The following SLC5A11 variants were observed in gnomAD, a reference collection of about 807,000 sequenced individuals.
The protein encoded by SLC5A11 is solute carrier family 5 member 11.
SLC5A11 carries 48 observed loss-of-function variants against 69.8 expected under a neutral mutation model. The ratio of observed to expected loss-of-function variants is 0.69; its 90% confidence interval spans 0.55 to 0.87. The LOEUF (loss-of-function observed/expected upper bound fraction) is 0.87. SLC5A11 is among the 40% of genes least tolerant of loss of function. The pLI, the probability that SLC5A11 is intolerant of heterozygous loss-of-function variation, is 0.00. For missense variants in SLC5A11, 784 were observed against 866.1 expected, an observed-to-expected ratio of 0.91 and a Z score of 1.19; for synonymous variants, 319 against 342.4, an observed-to-expected ratio of 0.93 and a Z score of 0.75.
At chr16:24,909,583 G>A (rs1221154002) in intron 14 of SLC5A11, among the ~76,000 whole-genome samples, 1 of 138,786 alleles carries the variant, frequency 7.2e-6, no homozygotes, top group Non-Finnish European at 1.5e-5. Flanking sequence ...TGATGGTGCA[G>A]TGAGCTATGA....
chr16:24,853,582 A>G (rs1388787768), intron 1 of SLC5A11, among the ~76,000 whole-genome samples: 1 of 151,868 alleles, frequency 6.6e-6, no homozygotes, highest in Non-Finnish European at 1.5e-5. Context: ...AGGGAAAGAG[A>G]GAATGAAGGA....
At chr16:24,884,200 A>C in intron 8 of SLC5A11, 69 bp downstream of exon 9, 4 of 1,473,518 alleles carry the variant, frequency 2.7e-6, no homozygotes, top group Non-Finnish European at 3.8e-6. Context: ...TCTGCTCTCC[A>C]CACTGTGAAC....
rs199527214 is a variant in SLC5A11 at position 24,908,848 on chromosome 16, C to T, written c.1435-33C>T. On this transcript the variant is annotated intron_variant, in intron 13 of 15. Transcript: ENST00000347898. ...GGTTCCTGGAGGCCAGAGCCCTTGG[C>T]GTCTCTAAGATGATCTTGCTCTGAT... is the stretch of plus-strand genomic sequence containing the variant. The T allele has an allele frequency of 6.0e-4, 957 of 1,600,132 alleles. 1 individual carries two copies. The highest frequency in any genetic ancestry group is 1.0e-3 in the Admixed American group (61 of 59,560).
rs368417005 is a variant in SLC5A11, at chr16:24,890,866, T to C, written c.665-3T>C. On this transcript the variant is annotated splice_polypyrimidine_tract_variant and splice_region_variant and intron_variant, in intron 8 of 15. Transcript: ENST00000347898. ...CGGAAAATAGGCTTCCTCTGAATTC[T>C]AGGTTTCGCCGCGGTTGGTGGGATG... is the stretch of plus-strand genomic sequence containing the variant. 16 of 1,614,054 alleles carry C rather than the reference T, an allele frequency of 9.9e-6. No homozygotes were observed. Among genetic ancestry groups the C allele is most frequent in the East Asian group, 2.2e-5 (1 of 44,882 alleles).
intron 1 of SLC5A11, among the ~76,000 whole-genome samples, chr16:24,850,131 A>G (rs939360808): frequency 1.3e-5 from 2 of 150,714 alleles, no homozygotes; most frequent in East Asian, 2.0e-4. Context: ...GTAGAGGAGA[A>G]AAAAAAAAGG....
chr16:24,898,510 CTT>C (rs111368545), intron 10 of SLC5A11, among the ~76,000 whole-genome samples: 5 of 141,676 alleles, frequency 3.5e-5, no homozygotes, highest in African/African-American at 5.2e-5. Context: ...ATGCCCAGTC[CTT>C]TTTTTTTTTT....
chr16:24,890,950 G>A (rs371829346), exon 9 of SLC5A11: 2 of 1,614,056 alleles, frequency 1.2e-6, no homozygotes, highest in Non-Finnish European at 8.5e-7. Flanking sequence ...GAGAACAGCA[G>A]CTGCGGGCTG....
intron 3 of SLC5A11, among the ~76,000 whole-genome samples, chr16:24,868,596 C>A (rs77682516): frequency 6.4e-3 from 792 of 123,662 alleles, no homozygotes; most frequent in East Asian, 0.011. Context: ...GACTCCGCCT[C>A]AAAAAAAAAA....
chr16:24,882,176 T>A (rs1034461580), intron 7 of SLC5A11, among the ~76,000 whole-genome samples: 3 of 152,132 alleles, frequency 2.0e-5, no homozygotes, highest in African/African-American at 7.2e-5. Context: ...GGCCTCTGCA[T>A]CCCTACCACG....
intron 8 of SLC5A11, 54 bp downstream of exon 9, chr16:24,884,185 G>T: frequency 6.5e-7 from 1 of 1,527,248 alleles, no homozygotes; most frequent in Non-Finnish European, 9.1e-7. Context: ...TCTCCAGCAG[G>T]GATATCTGCT....
chr16:24,858,046 C>T (rs188287347), intron 1 of SLC5A11, among the ~76,000 whole-genome samples: 7 of 152,314 alleles, frequency 4.6e-5, no homozygotes, highest in Non-Finnish European at 8.8e-5. Context: ...GTCTCTGTGT[C>T]TCAACTTCAC....
At chr16:24,860,095 G>A (rs1285572128) in intron 2 of SLC5A11, among the ~76,000 whole-genome samples, 1 of 152,196 alleles carries the variant, frequency 6.6e-6, no homozygotes, top group Non-Finnish European at 1.5e-5. Context: ...AGACGAGCCT[G>A]GCCAATGTGG....
At position 24,909,041 on chromosome 16, in the gene SLC5A11, C is replaced by T. The variant is rs370263287; in HGVS notation, c.1595C>T (p.Thr532Ile). The change falls in exon 14 of 16, where the codon ACC becomes ATC. Residue 532 changes from threonine to isoleucine, a missense_variant. Coordinates refer to ENST00000347898, the Ensembl canonical transcript of SLC5A11. ...TTCTCCATGATCCTGTCCACGGTCA[C>T]CCTCATCACTGTCTCCACCGTGAGC... The T allele has an allele frequency of 2.5e-6, 4 of 1,614,016 alleles. No homozygotes were observed. The African/African-American group carries it at 5.3e-5, about 22-fold the overall frequency.
At chr16:24,860,856 T>A (rs1162052579) in intron 2 of SLC5A11, among the ~76,000 whole-genome samples, 1 of 152,052 alleles carries the variant, frequency 6.6e-6, no homozygotes, top group Non-Finnish European at 1.5e-5. Flanking sequence ...CAGGCATCCG[T>A]CACCATGCCC....
intron 8 of SLC5A11, among the ~76,000 whole-genome samples, chr16:24,889,543 A>ATTT (rs71156454): frequency 0.012 from 927 of 74,340 alleles, 142 homozygotes; most frequent in African/African-American, 0.033. Context: ...AGGTCTTACA[A>ATTT]TTTTTTTTTT....
chr16:24,890,786 T>A, intron 8 of SLC5A11, 83 bp from the exon 10 acceptor site: 1 of 1,347,092 alleles, frequency 7.4e-7, no homozygotes, highest in East Asian at 2.3e-5. Flanking sequence ...CCTACTAGAA[T>A]TTCACCAGTC....
intron 1 of SLC5A11, among the ~76,000 whole-genome samples, chr16:24,851,596 C>G (rs1328367959): frequency 2.0e-5 from 3 of 152,108 alleles, no homozygotes; most frequent in Non-Finnish European, 4.4e-5. Flanking sequence ...CCTCCTGCCT[C>G]AGCCTCCCAA....
At chr16:24,854,179 C>G (rs1006184436) in intron 1 of SLC5A11, among the ~76,000 whole-genome samples, 4 of 152,222 alleles carry the variant, frequency 2.6e-5, no homozygotes, top group African/African-American at 7.2e-5. Flanking sequence ...ACCAGGCAGC[C>G]GCCGCCCCTC....
At chr16:24,868,502 G>A (rs2047061070) in intron 3 of SLC5A11, among the ~76,000 whole-genome samples, 1 of 151,110 alleles carries the variant, frequency 6.6e-6, no homozygotes, top group Non-Finnish European at 1.5e-5. Flanking sequence ...GGGAGGCTGA[G>A]GCAGGAGAAT....
Sources: gnomAD v4.1 joint callset for allele counts (sites outside exome capture counted in the v4.1 genomes callset) on GRCh38, gnomAD v4.1.1 for gene constraint, MANE v1.5 for transcripts, NCBI Gene and HGNC (gene_info 2026-07-23, HGNC 2026-07-21) for gene names.